CASK: variants seen among roughly 807,000 people sequenced by gnomAD.
CASK encodes the protein calcium/calmodulin dependent serine protein kinase.
In CASK, 4 loss-of-function variants were observed where a neutral mutation model predicts 82.9. That is an observed-to-expected ratio of 0.05 (90% confidence interval 0.02 to 0.11). CASK has a LOEUF of 0.11. CASK is among the 10% of genes least tolerant of loss of function. The probability of loss-of-function intolerance (pLI) is 1.00; values close to 1 mark genes in which losing one functional copy is unlikely to be tolerated. For synonymous variants in CASK, 259 were observed against 253.5 expected (o/e 1.02, Z -0.20); for missense variants, 358 against 720.9 (o/e 0.50, Z 5.76).
At chrX:41,596,416 T>C (rs2065822962) in intron 12 of CASK, among the ~76,000 whole-genome samples, 1 of 112,168 alleles carries the variant, frequency 8.9e-6, no homozygotes, top group Admixed American at 9.5e-5. Flanking sequence ...CTGAGGGCCA[T>C]AGTTTGTGAA....
At chrX:41,770,204 T>TC (rs2069198163) in intron 3 of CASK, among the ~76,000 whole-genome samples, 1 of 109,210 alleles carries the variant, frequency 9.2e-6, no homozygotes, top group Admixed American at 9.8e-5. Context: ...TGAGCTTGTT[T>TC]TTTTTTTTTG....
At chrX:41,920,143 T>A (rs111760779) in intron 1 of CASK, among the ~76,000 whole-genome samples, 423 of 111,833 alleles carry the variant, frequency 3.8e-3, no homozygotes, top group African/African-American at 0.012. Flanking sequence ...TTAGTAAAAA[T>A]TAAAACCTAT....
At chrX:41,602,908 C>A (rs1378583955) in intron 12 of CASK, among the ~76,000 whole-genome samples, 1 of 111,280 alleles carries the variant, frequency 9.0e-6, no homozygotes, top group Non-Finnish European at 1.9e-5. Context: ...TTTGCCCCTC[C>A]AGTTAGAAAA....
chrX:41,782,530 ATACTT>A (rs1319224063), intron 3 of CASK, among the ~76,000 whole-genome samples: 1 of 112,232 alleles, frequency 8.9e-6, no homozygotes, highest in African/African-American at 3.2e-5. Context: ...ACTGGAAATA[ATACTT>A]TATAGTTAAA....
At chrX:41,743,252 A>G (rs1375226339) in intron 4 of CASK, among the ~76,000 whole-genome samples, 1 of 111,871 alleles carries the variant, frequency 8.9e-6, no homozygotes, top group Non-Finnish European at 1.9e-5. Flanking sequence ...TTGTGGTTCA[A>G]GAAGGGAAAA....
intron 12 of CASK, among the ~76,000 whole-genome samples, chrX:41,598,657 C>A (rs776786263): frequency 8.9e-6 from 1 of 112,013 alleles, no homozygotes; most frequent in Non-Finnish European, 1.9e-5. Flanking sequence ...CCATGGCACC[C>A]GGCTGGAAGA....
At chrX:41,719,371 C>G (rs1602517465) in intron 5 of CASK, among the ~76,000 whole-genome samples, 1 of 111,882 alleles carries the variant, frequency 8.9e-6, no homozygotes, top group South Asian at 3.7e-4. Flanking sequence ...GGATCCAACT[C>G]CTGGGGAGTT....
chrX:41,923,065 G>T lies in CASK; in HGVS notation c.-77C>A. On this transcript the variant is annotated 5_prime_UTR_variant, in exon 1 of 27. It adds an upstream start codon to the 5' untranslated region. Coordinates refer to ENST00000378163, the MANE Select transcript of CASK (RefSeq NM_001367721.1). Reference sequence around the variant, plus strand: ...GGGGCGCCCAAGAGCTCAGTGCCCAGCCCCGGGATCGCCTCCTCCCCTCAG... The same window carrying T: ...GGGGCGCCCAAGAGCTCAGTGCCCATCCCCGGGATCGCCTCCTCCCCTCAG... 1 of 966,036 alleles carries T rather than the reference G, an allele frequency of 1.0e-6. No individual in the cohort carries two copies. The highest frequency in any genetic ancestry group is 1.5e-6 in the Non-Finnish European group (1 of 677,967). 79.6% of individuals were successfully genotyped at this position (966,036 alleles called of 1,213,427 possible). A position where few individuals can be genotyped will look rare whatever the true frequency, so the allele number is the denominator to read the frequency against.
chrX:41,633,053 A>T (rs1033980475), intron 9 of CASK, among the ~76,000 whole-genome samples: 38 of 105,008 alleles, frequency 3.6e-4, no homozygotes, highest in African/African-American at 5.1e-4. Flanking sequence ...AAAAAAAAAA[A>T]AAAAATAATA....
At chrX:41,872,236 T>C (rs1039535225) in intron 1 of CASK, among the ~76,000 whole-genome samples, 2 of 112,801 alleles carry the variant, frequency 1.8e-5, no homozygotes, top group Non-Finnish European at 3.7e-5. Flanking sequence ...CTCACTTAGA[T>C]GTTCCCAACA....
intron 12 of CASK, 133 bp downstream of exon 12, chrX:41,609,771 A>C (rs2066016126): frequency 2.9e-5 from 18 of 621,662 alleles, no homozygotes; most frequent in South Asian, 1.9e-4. Context: ...GTTGGCCAGG[A>C]TGGTCTCAGT....
intron 8 of CASK, among the ~76,000 whole-genome samples, chrX:41,648,241 G>T (rs945527591): frequency 9.0e-6 from 1 of 111,204 alleles, no homozygotes; most frequent in African/African-American, 3.3e-5. Context: ...GTCTCCCATA[G>T]CACTCCCAGG....
At position 41,595,887 on chromosome X, in the gene CASK, C is replaced by T. The variant is rs187528041; in HGVS notation, c.1156-6295G>A. On this transcript the variant is annotated intron_variant, in intron 12 of 26. Coordinates refer to ENST00000378163, the MANE Select transcript of CASK (RefSeq NM_001367721.1). ...AGCTGTAAAAAATTCTATTTATAGG[C>T]TGCAGGGAAAAATACACTCAATATG... is the stretch of plus-strand genomic sequence containing the variant. Among the ~76,000 whole-genome samples the T allele has an allele frequency of 1.6e-4, 18 of 111,771 alleles. No individual in the cohort carries two copies. In the East Asian group the frequency reaches 4.8e-3, roughly 30 times the overall value.
chrX:41,694,104 T>G (rs1044183425), intron 5 of CASK, among the ~76,000 whole-genome samples: 1 of 112,225 alleles, frequency 8.9e-6, no homozygotes, highest in African/African-American at 3.2e-5. Flanking sequence ...TCCCACACAG[T>G]ACTTAGCCAA....
intron 1 of CASK, among the ~76,000 whole-genome samples, chrX:41,867,359 T>C (rs1339173352): frequency 1.8e-5 from 2 of 112,164 alleles, no homozygotes; most frequent in African/African-American, 6.5e-5. Flanking sequence ...ATGGGTGCCA[T>C]CTTCCAGACA....
intron 25 of CASK, among the ~76,000 whole-genome samples, chrX:41,528,353 A>G (rs898212708): frequency 8.9e-6 from 1 of 112,632 alleles, no homozygotes; most frequent in Non-Finnish European, 1.9e-5. Flanking sequence ...CTCTAGCTTT[A>G]AAGTTGGACC....
In CASK at chrX:41,553,793, A is replaced by G. The variant is rs745800423; in HGVS notation, c.1965T>C (p.Asn655=). ...IIQIISKDDH[N]WWQGKLENSK... ...AGTTTTCCAGTTTACCCTGCCACCA[A>G]TTATGATCATCCTTACTAATAATCT... is the stretch of plus-strand genomic sequence containing the variant. Residue 655 remains asparagine (N), a synonymous_variant, in exon 21 of 27, where the codon AAT becomes AAC. Transcript: ENST00000378163. 1.7e-6 allele frequency: 2 copies of G among 1,203,140 alleles called. No homozygotes were observed. The highest frequency in any genetic ancestry group is 2.2e-6 in the Non-Finnish European group (2 of 889,095).
chrX:41,802,117 T>C (rs1163809602), intron 2 of CASK, among the ~76,000 whole-genome samples: 1 of 111,534 alleles, frequency 9.0e-6, no homozygotes, highest in Non-Finnish European at 1.9e-5. Context: ...TATTTAACAC[T>C]TCCCTCTTAA....
chrX:41,917,127 A>G (rs749430790), intron 1 of CASK, among the ~76,000 whole-genome samples: 1 of 112,657 alleles, frequency 8.9e-6, no homozygotes, highest in South Asian at 3.7e-4. Flanking sequence ...TGTCTTTAAG[A>G]AAATCCAACA....
Sources: allele counts gnomAD v4.1 joint callset (sites outside exome capture counted in the v4.1 genomes callset), GRCh38; gene constraint gnomAD v4.1.1; transcripts MANE v1.5; gene names NCBI Gene and HGNC (gene_info 2026-07-23, HGNC 2026-07-21).